The following AK5 variants were observed in gnomAD, a reference collection of about 807,000 sequenced individuals.
AK5 encodes adenylate kinase 5.
Under a neutral mutation model 69.5 loss-of-function variants are expected in AK5, and 27 were observed. That is an observed-to-expected ratio of 0.39 (90% CI 0.29 to 0.54). The LOEUF (loss-of-function observed/expected upper bound fraction) is 0.54, where lower values mean the gene tolerates loss of function less well. Ranked by LOEUF, AK5 falls within the 20% of genes least tolerant of loss-of-function variation. The pLI is 0.71. For synonymous variants in AK5, 260 were observed against 244.4 expected, an observed-to-expected ratio of 1.06 and a Z score of -0.60; for missense variants, 531 against 700.4, an observed-to-expected ratio of 0.76 and a Z score of 2.73.
At chr1:77,410,891 A>G in intron 6 of AK5, 90 bp from the exon 7 acceptor site, 1 of 934,190 alleles carries the variant, frequency 1.1e-6, no homozygotes, top group Non-Finnish European at 1.7e-6. Context: ...CATTAGAGAT[A>G]CAGTTGTGTG....
chr1:77,383,205 A>T (rs909146788), intron 6 of AK5, among the ~76,000 whole-genome samples: 1 of 152,206 alleles, frequency 6.6e-6, no homozygotes, highest in Non-Finnish European at 1.5e-5. Flanking sequence ...AATTACTCTT[A>T]AAGTAATATT....
intron 5 of AK5, among the ~76,000 whole-genome samples, chr1:77,312,004 A>G (rs1470886173): frequency 6.6e-6 from 1 of 152,130 alleles, no homozygotes; most frequent in Non-Finnish European, 1.5e-5. Flanking sequence ...CCTCCCCTAC[A>G]GCTCCTGAAG....
At chr1:77,496,969 G>T (rs1208218399) in intron 10 of AK5, among the ~76,000 whole-genome samples, 1 of 152,192 alleles carries the variant, frequency 6.6e-6, no homozygotes, top group African/African-American at 2.4e-5. Flanking sequence ...ACAAATAAGG[G>T]AATAAAAGCT....
chr1:77,449,577 A>G (rs1163466299), intron 8 of AK5, among the ~76,000 whole-genome samples: 1 of 152,306 alleles, frequency 6.6e-6, no homozygotes, highest in South Asian at 2.1e-4. Context: ...GAAATTAGTT[A>G]AGACTTTAGG....
At chr1:77,444,367 A>ATACACAC (rs1491268118) in intron 8 of AK5, among the ~76,000 whole-genome samples, 1 of 39,140 alleles carries the variant, frequency 2.6e-5, no homozygotes, top group African/African-American at 1.2e-4. Flanking sequence ...TATATAGTAT[A>ATACACAC]AATATATACT....
At chr1:77,532,055 G>C (rs12022986) in intron 12 of AK5, 6,884 of 152,026 alleles carry the variant, frequency 0.045, 234 homozygotes, top group East Asian at 0.15. Context: ...GGAGCTCTGC[G>C]CACGCGCCTG....
chr1:77,499,350 G>T (rs1656558829), intron 10 of AK5, among the ~76,000 whole-genome samples: 1 of 152,154 alleles, frequency 6.6e-6, no homozygotes. Context: ...TGCGACTCAG[G>T]TGATATTTTT....
chr1:77,499,958 T>C (rs1348786668), intron 10 of AK5, among the ~76,000 whole-genome samples: 1 of 149,732 alleles, frequency 6.7e-6, no homozygotes, highest in Non-Finnish European at 1.5e-5. Flanking sequence ...ATTCAGTATA[T>C]GTCTTTAGAA....
chr1:77,439,850 T>C (rs1227421370), intron 8 of AK5, among the ~76,000 whole-genome samples: 1 of 149,258 alleles, frequency 6.7e-6, no homozygotes, highest in East Asian at 1.9e-4. Flanking sequence ...CCTTATTCAT[T>C]CATCCATTGA....
intron 6 of AK5, among the ~76,000 whole-genome samples, chr1:77,384,174 G>A (rs562469570): frequency 2.3e-4 from 35 of 152,158 alleles, no homozygotes; most frequent in South Asian, 6.2e-4. Context: ...TAACTCAAAC[G>A]TGCAGTACCA....
At chr1:77,440,249 A>ATGCT (rs1446408414) in intron 8 of AK5, among the ~76,000 whole-genome samples, 1 of 152,106 alleles carries the variant, frequency 6.6e-6, no homozygotes, top group Non-Finnish European at 1.5e-5. Flanking sequence ...TTTGTTGGAT[A>ATGCT]TGCTATTCTT....
chr1:77,359,836 C>T (rs1646832275), intron 6 of AK5, among the ~76,000 whole-genome samples: 1 of 152,122 alleles, frequency 6.6e-6, no homozygotes. Flanking sequence ...GTGTTTTTTC[C>T]TGCCTTCATG....
At chr1:77,323,145 C>A (rs1477871583) in intron 5 of AK5, among the ~76,000 whole-genome samples, 1 of 152,050 alleles carries the variant, frequency 6.6e-6, no homozygotes, top group East Asian at 1.9e-4. Context: ...TGCACCACCA[C>A]GCCCGGCTAA....
At chr1:77,518,902 C>G (rs904647513) in intron 11 of AK5, among the ~76,000 whole-genome samples, 175 bp downstream of exon 11, 4 of 152,184 alleles carry the variant, frequency 2.6e-5, no homozygotes, top group African/African-American at 9.7e-5. Flanking sequence ...GACAGACCTT[C>G]TACTCAACCA....
intron 9 of AK5, among the ~76,000 whole-genome samples, 193 bp from the exon 10 acceptor site, chr1:77,486,115 A>C (rs1557627746): frequency 6.6e-6 from 1 of 152,162 alleles, no homozygotes; most frequent in African/African-American, 2.4e-5. Context: ...ACCATCTCAA[A>C]AAACAAACAA....
At chr1:77,526,400 T>TGAGAG (rs1658286110) in intron 12 of AK5, among the ~76,000 whole-genome samples, 1 of 151,522 alleles carries the variant, frequency 6.6e-6, no homozygotes, top group Non-Finnish European at 1.5e-5. Flanking sequence ...AGAAGAGCTC[T>TGAGAG]GAGAGACCCT....
At chr1:77,477,476 T>C (rs1048925583) in intron 8 of AK5, among the ~76,000 whole-genome samples, 2 of 152,188 alleles carry the variant, frequency 1.3e-5, no homozygotes, top group Non-Finnish European at 2.9e-5. Flanking sequence ...GAGAAGTCAC[T>C]AGACCAATTT....
At chr1:77,322,923 T>G (rs1314052707) in intron 5 of AK5, among the ~76,000 whole-genome samples, 1 of 152,196 alleles carries the variant, frequency 6.6e-6, no homozygotes, top group Non-Finnish European at 1.5e-5. Context: ...GCATTTAGTT[T>G]CACAGAGAAT....
intron 12 of AK5, among the ~76,000 whole-genome samples, chr1:77,525,545 G>A (rs567362905): frequency 1.3e-5 from 2 of 152,240 alleles, no homozygotes; most frequent in African/African-American, 2.4e-5. Context: ...GGCCCCTGAC[G>A]CTTTTCTATA....
Sources: gnomAD v4.1 joint callset for allele counts (sites outside exome capture counted in the v4.1 genomes callset) on GRCh38, gnomAD v4.1.1 for gene constraint, MANE v1.5 for transcripts, NCBI Gene and HGNC (gene_info 2026-07-23, HGNC 2026-07-21) for gene names.